Variants in CNOT4 observed in about 807,000 individuals in gnomAD.
CNOT4 encodes CCR4-NOT transcription complex subunit 4, also known as CCR4-associated factor 4.
In CNOT4, 8 loss-of-function variants were observed where a neutral mutation model predicts 73.8. The observed-to-expected ratio is 0.11, with a 90% confidence interval of 0.06 to 0.20. The LOEUF (loss-of-function observed/expected upper bound fraction) is 0.20, where lower values mean the gene tolerates loss of function less well. CNOT4 is among the 10% of genes least tolerant of loss of function. The pLI, the probability that CNOT4 is intolerant of heterozygous loss-of-function variation, is 1.00. For missense variants in CNOT4, 564 were observed against 883.4 expected (o/e 0.64, Z 4.58); for synonymous variants, 293 against 321.1 (o/e 0.91, Z 0.94).
chr7:135,487,684 C>T (rs1039930567), intron 1 of CNOT4, among the ~76,000 whole-genome samples: 7 of 151,940 alleles, frequency 4.6e-5, no homozygotes, highest in African/African-American at 2.4e-5. Flanking sequence ...ATATGAATTG[C>T]TATTATCTCA....
At chr7:135,475,528 CAAA>C (rs772106740) in intron 1 of CNOT4, among the ~76,000 whole-genome samples, 3 of 152,036 alleles carry the variant, frequency 2.0e-5, no homozygotes, top group Non-Finnish European at 2.9e-5. Flanking sequence ...CTACAATTTA[CAAA>C]ATTAAGAACA....
At chr7:135,430,240 GAC>G (rs1364598774) in intron 2 of CNOT4, among the ~76,000 whole-genome samples, 1 of 152,090 alleles carries the variant, frequency 6.6e-6, no homozygotes, top group African/African-American at 2.4e-5. Context: ...TACCCTTTAT[GAC>G]ACAGACAAAA....
chr7:135,423,437 T>G (rs1798301920), intron 2 of CNOT4, among the ~76,000 whole-genome samples: 2 of 148,662 alleles, frequency 1.3e-5, no homozygotes. Flanking sequence ...GACTTTAAAG[T>G]AAAGTTAACC....
Position 135,447,220 on chromosome 7 carries a change from A to G in CNOT4, c.-92-8797T>C, listed in dbSNP as rs1448102858. Among the ~76,000 whole-genome samples, 3 of 152,236 alleles carry G rather than the reference A, an allele frequency of 2.0e-5. 1 individual carries two copies. Among genetic ancestry groups the G allele is most frequent in the Non-Finnish European group, 2.9e-5 (2 of 68,046 alleles). ...ACATTTCACAAAGCATGTTATTTAC[A>G]TAAACTACACGAAGACAAAAAACAG... On this transcript the variant is annotated intron_variant, in intron 1 of 11. Transcript: ENST00000541284.
intron 8 of CNOT4, among the ~76,000 whole-genome samples, 185 bp downstream of exon 8, chr7:135,397,984 A>G (rs932441585): frequency 2.0e-5 from 3 of 152,130 alleles, no homozygotes; most frequent in Admixed American, 2.0e-4. Context: ...TCATTAAAAA[A>G]GGGTTAAACT....
chr7:135,452,302 G>A (rs1204940657), intron 1 of CNOT4, among the ~76,000 whole-genome samples: 1 of 151,760 alleles, frequency 6.6e-6, no homozygotes, highest in Non-Finnish European at 1.5e-5. Flanking sequence ...GACAGGCATG[G>A]TGGCTCACGC....
chr7:135,362,676 T>C lies in CNOT4; in HGVS notation c.*209A>G, dbSNP rs778956677. ...GAAACATTCAACAGTGTCACTCAAATGCTGGATCAACAAAAATTTTTACAA... is the reference window on the plus strand; with the variant it reads ...GAAACATTCAACAGTGTCACTCAAACGCTGGATCAACAAAAATTTTTACAA... On this transcript the variant is annotated 3_prime_UTR_variant, in exon 12 of 12. Coordinates refer to ENST00000541284, the MANE Select transcript of CNOT4 (RefSeq NM_001190850.2). 1.6e-5 allele frequency: 11 copies of C among 703,002 alleles called. 1 individual carries two copies. The South Asian group carries it at 1.7e-4, about 11-fold the overall frequency. The allele number at this position is 703,002 out of a possible 1,614,324, so 43.5% of individuals were successfully genotyped here.
intron 1 of CNOT4, among the ~76,000 whole-genome samples, chr7:135,468,684 CA>C (rs34174386): frequency 1.3e-3 from 160 of 124,658 alleles, no homozygotes; most frequent in East Asian, 2.7e-3. Flanking sequence ...GACTCTGTCT[CA>C]AAAAAAAAAA....
chr7:135,389,447 A>C (rs930369507), intron 10 of CNOT4, among the ~76,000 whole-genome samples: 2 of 152,118 alleles, frequency 1.3e-5, no homozygotes, highest in Non-Finnish European at 2.9e-5. Flanking sequence ...AAATAGTAAA[A>C]TGTTAACAGT....
chr7:135,400,178 G>A (rs529345327), intron 7 of CNOT4, among the ~76,000 whole-genome samples: 4 of 152,114 alleles, frequency 2.6e-5, no homozygotes, highest in South Asian at 2.1e-4. Flanking sequence ...TCAAAATGTC[G>A]GAGACAGTGT....
rs1478210854 is a variant in CNOT4, at chr7:135,442,531, G to A, written c.-92-4108C>T. Among the ~76,000 whole-genome samples, 4 of 152,224 alleles carry A rather than the reference G, an allele frequency of 2.6e-5. No individual in the cohort carries two copies. The South Asian group carries it at 6.2e-4, about 24-fold the overall frequency. ...GGAGAATTGCTTGAACACAGGAGGC[G>A]GAGGTTGCAGTGAGCCGAGATTGTG... On this transcript the variant is annotated intron_variant, in intron 1 of 11. Coordinates refer to ENST00000541284, the MANE Select transcript of CNOT4 (RefSeq NM_001190850.2).
chr7:135,387,291 C>T, intron 10 of CNOT4: 1 of 985,260 alleles, frequency 1.0e-6, no homozygotes, highest in South Asian at 4.7e-5. Context: ...AATGGCTAGA[C>T]AATTCGCTGC....
At chr7:135,480,072 G>C (rs1244396331) in intron 1 of CNOT4, among the ~76,000 whole-genome samples, 1 of 152,200 alleles carries the variant, frequency 6.6e-6, no homozygotes, top group South Asian at 2.1e-4. Context: ...AAAAAATGCT[G>C]CTTATTTTAG....
At chr7:135,379,831 A>T (rs1795737842) in intron 10 of CNOT4, among the ~76,000 whole-genome samples, 2 of 152,244 alleles carry the variant, frequency 1.3e-5, no homozygotes, top group Non-Finnish European at 2.9e-5. Flanking sequence ...CTTCTTGCAA[A>T]TGCCAACATA....
intron 10 of CNOT4, chr7:135,386,917 G>T: frequency 5.2e-6 from 1 of 191,188 alleles, no homozygotes; most frequent in Non-Finnish European, 9.6e-6. Context: ...GGAGCAAATG[G>T]CACTAACCAC....
At chr7:135,368,740 G>C (rs1795043396) in intron 10 of CNOT4, among the ~76,000 whole-genome samples, 1 of 152,070 alleles carries the variant, frequency 6.6e-6, no homozygotes, top group Admixed American at 6.5e-5. Context: ...GCATAACACT[G>C]TACTAGTCCA....
intron 2 of CNOT4, among the ~76,000 whole-genome samples, chr7:135,433,378 G>A (rs1171941659): frequency 2.4e-5 from 3 of 126,830 alleles, no homozygotes; most frequent in African/African-American, 9.4e-5. Flanking sequence ...TTTTCTTGAG[G>A]TAGTATCTTG....
chr7:135,388,958 A>T (rs1796260238), intron 10 of CNOT4: 2 of 1,501,422 alleles, frequency 1.3e-6, no homozygotes, highest in African/African-American at 2.8e-5. Flanking sequence ...CCCTTTAAAA[A>T]TGATTTCAAT....
chr7:135,487,169 T>A (rs535819477), intron 1 of CNOT4, among the ~76,000 whole-genome samples: 9 of 151,856 alleles, frequency 5.9e-5, no homozygotes, highest in African/African-American at 2.2e-4. Context: ...TAAAAAAAAG[T>A]TTTAGCTTGT....
Sources: gnomAD v4.1 joint callset for allele counts (sites outside exome capture counted in the v4.1 genomes callset) on GRCh38, gnomAD v4.1.1 for gene constraint, MANE v1.5 for transcripts, NCBI Gene and HGNC (gene_info 2026-07-23, HGNC 2026-07-21) for gene names.